RYR2: variants seen among roughly 807,000 people sequenced by gnomAD.
RYR2 encodes the protein cardiac muscle ryanodine receptor-calcium release channel.
A neutral mutation model predicts 601.1 loss-of-function variants in RYR2; 227 were observed. That is an observed-to-expected ratio of 0.38 (90% CI 0.34 to 0.42). The LOEUF is 0.42. Ranked by LOEUF, RYR2 falls within the 10% of genes least tolerant of loss-of-function variation. The probability of loss-of-function intolerance (pLI) is 1.00; values close to 1 mark genes in which losing one functional copy is unlikely to be tolerated. For synonymous variants in RYR2, 2,223 were observed against 2,175.1 expected (o/e 1.02, Z -0.61); for missense variants, 4,646 against 6,156.5 (o/e 0.75, Z 8.21).
chr1:237,330,539 C>T (rs1474976859), intron 2 of RYR2, among the ~76,000 whole-genome samples: 2 of 152,136 alleles, frequency 1.3e-5, no homozygotes, highest in East Asian at 1.9e-4. Context: ...AGGCTTGTGC[C>T]GCTGCGTCTG....
chr1:237,803,532 C>G (rs939077638), intron 98 of RYR2, among the ~76,000 whole-genome samples: 1 of 152,094 alleles, frequency 6.6e-6, no homozygotes, highest in Non-Finnish European at 1.5e-5. Flanking sequence ...GATCTCCTGA[C>G]CTCGTGAACC....
intron 80 of RYR2, among the ~76,000 whole-genome samples, chr1:237,746,250 C>A (rs1404816907): frequency 2.6e-5 from 4 of 152,096 alleles, no homozygotes; most frequent in African/African-American, 7.2e-5. Flanking sequence ...TTGTCAGTTT[C>A]AATAATTCTT....
intron 10 of RYR2, among the ~76,000 whole-genome samples, chr1:237,412,776 T>C (rs1704576568): frequency 6.6e-6 from 1 of 152,182 alleles, no homozygotes; most frequent in Non-Finnish European, 1.5e-5. Context: ...GCTATCAGTC[T>C]GTGTAATTTC....
chr1:237,686,315 G>A (rs1379063384), intron 62 of RYR2, among the ~76,000 whole-genome samples: 1 of 152,170 alleles, frequency 6.6e-6, no homozygotes, highest in Non-Finnish European at 1.5e-5. Context: ...GCTGAGAAGA[G>A]CGTGAGTAGA....
At chr1:237,467,877 G>C (rs1409406172) in intron 16 of RYR2, among the ~76,000 whole-genome samples, 1 of 64,740 alleles carries the variant, frequency 1.5e-5, no homozygotes, top group African/African-American at 6.3e-5. Flanking sequence ...TTTTTTTTTT[G>C]AAACGGAGTC....
intron 3 of RYR2, among the ~76,000 whole-genome samples, chr1:237,351,944 G>A (rs1178965159): frequency 6.6e-6 from 1 of 150,884 alleles, no homozygotes; most frequent in East Asian, 1.9e-4. Flanking sequence ...TAAAATATTG[G>A]GAAATCCATC....
chr1:237,210,292 A>G (rs1325052087), intron 1 of RYR2, among the ~76,000 whole-genome samples: 4 of 152,124 alleles, frequency 2.6e-5, no homozygotes, highest in African/African-American at 9.7e-5. Context: ...TTTTGGGACT[A>G]TTTCATATTA....
chr1:237,631,373 A>T, intron 41 of RYR2, 54 bp from the exon 42 acceptor site: 1 of 1,076,572 alleles, frequency 9.3e-7, no homozygotes, highest in Non-Finnish European at 1.4e-6. Context: ...GAACTTGGTT[A>T]ACTATTTAGA....
chr1:237,378,525 A>T (rs181147998), intron 8 of RYR2, among the ~76,000 whole-genome samples: 1 of 152,336 alleles, frequency 6.6e-6, no homozygotes, highest in East Asian at 1.9e-4. Context: ...ATGAATATTC[A>T]CATGAAAAAT....
At position 237,699,032 on chromosome 1, in the gene RYR2, G is replaced by C. The variant is rs1422131525; in HGVS notation, c.9128+7G>C. 1 of 1,411,410 alleles carries C rather than the reference G, an allele frequency of 7.1e-7. No homozygotes were observed. The highest frequency in any genetic ancestry group is 9.8e-7 in the Non-Finnish European group (1 of 1,021,258). The allele number at this position is 1,411,410 out of a possible 1,614,324, so 87.4% of individuals were successfully genotyped here. ...GTCAGACTTTGGATGCAAGGTAAAT[G>C]GATACATTTTTACCTAAATAAATTA... On this transcript the variant is annotated splice_region_variant and intron_variant, in intron 64 of 104. Coordinates refer to ENST00000366574, the MANE Select transcript of RYR2 (RefSeq NM_001035.3).
chr1:237,755,159 G>A, intron 80 of RYR2: 1 of 1,201,620 alleles, frequency 8.3e-7, no homozygotes, highest in South Asian at 1.4e-5. Context: ...TTGATTTAAA[G>A]GTTTCTTTTT....
chr1:237,145,228 A>G (rs1195923637), intron 1 of RYR2, among the ~76,000 whole-genome samples: 1 of 152,096 alleles, frequency 6.6e-6, no homozygotes, highest in Non-Finnish European at 1.5e-5. Context: ...ATAATAAAAA[A>G]AAAAAGAAAA....
chr1:237,173,353 A>G (rs1677636672), intron 1 of RYR2, among the ~76,000 whole-genome samples: 1 of 152,164 alleles, frequency 6.6e-6, no homozygotes, highest in Admixed American at 6.5e-5. Flanking sequence ...TGGGCAAATT[A>G]CTTAATCTCT....
At chr1:237,542,983 A>C (rs148467350) in intron 25 of RYR2, among the ~76,000 whole-genome samples, 68 of 152,280 alleles carry the variant, frequency 4.5e-4, no homozygotes, top group Non-Finnish European at 8.7e-4. Flanking sequence ...TTTTCAGCCT[A>C]TCTTAGACTG....
intron 54 of RYR2, 77 bp from the exon 55 acceptor site, chr1:237,659,908 C>T (rs1683607152): frequency 1.2e-6 from 1 of 838,686 alleles, no homozygotes; most frequent in Non-Finnish European, 1.8e-6. Flanking sequence ...ATCAAACACG[C>T]ACTTAAACAC....
At chr1:237,178,695 G>C (rs1435056518) in intron 1 of RYR2, among the ~76,000 whole-genome samples, 1 of 151,970 alleles carries the variant, frequency 6.6e-6, no homozygotes, top group African/African-American at 2.4e-5. Flanking sequence ...TGTTGTCCCA[G>C]CTCCTTGGAC....
At chr1:237,086,933 C>T (rs1329883266) in intron 1 of RYR2, among the ~76,000 whole-genome samples, 1 of 152,126 alleles carries the variant, frequency 6.6e-6, no homozygotes, top group Non-Finnish European at 1.5e-5. Context: ...CATGAACTGC[C>T]TGTATTTGAG....
chr1:237,303,841 G>T (rs765858992), intron 2 of RYR2, among the ~76,000 whole-genome samples: 10 of 152,254 alleles, frequency 6.6e-5, no homozygotes, highest in Admixed American at 1.3e-4. Context: ...CTTATTGCTT[G>T]AGAATACAGA....
At chr1:237,470,807 AAAAG>A (rs1463367654) in intron 17 of RYR2, among the ~76,000 whole-genome samples, 2 of 152,046 alleles carry the variant, frequency 1.3e-5, no homozygotes, top group Non-Finnish European at 2.9e-5. Flanking sequence ...TTTAATAAGC[AAAAG>A]AAAGAGAAAG....
Sources: gnomAD v4.1 joint callset for allele counts (sites outside exome capture counted in the v4.1 genomes callset) on GRCh38, gnomAD v4.1.1 for gene constraint, MANE v1.5 for transcripts, NCBI Gene and HGNC (gene_info 2026-07-23, HGNC 2026-07-21) for gene names.